Variants in DAB2 observed in about 807,000 individuals in gnomAD.
DAB2 encodes the protein disabled homolog 2.
A neutral mutation model predicts 71.6 loss-of-function variants in DAB2; 28 were observed. That is an observed-to-expected ratio of 0.39 (90% CI 0.29 to 0.54). The LOEUF is 0.54. Ranked by LOEUF, DAB2 falls within the 20% of genes least tolerant of loss-of-function variation. DAB2 has a pLI of 0.68. For missense variants in DAB2, 867 were observed against 928.8 expected, an observed-to-expected ratio of 0.93 and a Z score of 0.86; for synonymous variants, 345 against 339.7, an observed-to-expected ratio of 1.02 and a Z score of -0.17.
At chr5:39,407,516 A>T (rs1213865334) in intron 1 of DAB2, among the ~76,000 whole-genome samples, 1 of 152,206 alleles carries the variant, frequency 6.6e-6, no homozygotes, top group African/African-American at 2.4e-5. Flanking sequence ...TGCTAGTTTT[A>T]AAATGAATGA....
At chr5:39,388,494 G>T (rs1755148969) in intron 8 of DAB2, 127 bp from the exon 9 acceptor site, 1 of 720,722 alleles carries the variant, frequency 1.4e-6, no homozygotes. Context: ...TTAACTAATA[G>T]ATTTCATATT....
At chr5:39,386,916 G>A (rs1755109550) in intron 9 of DAB2, among the ~76,000 whole-genome samples, 1 of 152,148 alleles carries the variant, frequency 6.6e-6, no homozygotes, top group Admixed American at 6.5e-5. Context: ...GGACCTGTCA[G>A]GATAATCTAG....
intron 9 of DAB2, chr5:39,387,777 T>A (rs1342071179): frequency 2.0e-5 from 3 of 152,048 alleles, no homozygotes; most frequent in African/African-American, 7.2e-5. Flanking sequence ...TTGTTACAGA[T>A]CATTCAATAT....
intron 9 of DAB2, among the ~76,000 whole-genome samples, chr5:39,386,029 T>G (rs1755092198): frequency 6.6e-6 from 1 of 152,250 alleles, no homozygotes; most frequent in Admixed American, 6.5e-5. Context: ...TCCTGCTTTG[T>G]ATCCTGATCC....
At position 39,376,886 on chromosome 5, in the gene DAB2, C is replaced by A; in HGVS notation, c.1901G>T (p.Ser634Ile). ...PRAGPPKDIS[S>I]DAFTALDPLG... ...TGGGTCTAAGGCAGTGAAGGCATCACTGGAGATGTCCTTGGGAGGGCCAGC... is the reference window on the plus strand; with the variant it reads ...TGGGTCTAAGGCAGTGAAGGCATCAATGGAGATGTCCTTGGGAGGGCCAGC... The change falls in exon 12 of 15, where the codon AGT becomes ATT. Residue 634 changes from serine (S) to isoleucine (I), a missense_variant. Transcript: ENST00000320816. 1.9e-6 allele frequency: 3 copies of A among 1,614,020 alleles called. No individual in the cohort carries two copies. The highest frequency in any genetic ancestry group is 2.5e-6 in the Non-Finnish European group (3 of 1,179,988).
intron 1 of DAB2, among the ~76,000 whole-genome samples, chr5:39,400,332 A>G (rs1755469844): frequency 6.6e-6 from 1 of 151,740 alleles, no homozygotes. Flanking sequence ...TCCCAGGTTC[A>G]AGCCATTCTC....
rs777005444 is a variant in DAB2 at position 39,392,456 on chromosome 5, G to A, written c.239C>T (p.Ala80Val). 2.5e-6 allele frequency: 4 copies of A among 1,612,304 alleles called. No homozygotes were observed. The highest frequency in any genetic ancestry group is 4.5e-5 in the East Asian group (2 of 44,864). The change falls in exon 4 of 15, where the codon GCG becomes GTG. Residue 80 changes from alanine (A) to valine (V), a missense_variant. Coordinates refer to ENST00000320816, the MANE Select transcript of DAB2 (RefSeq NM_001343.4). ...QDSMMKLKGMAAAGRSQGQHK... is the reference protein window; with the variant it reads ...QDSMMKLKGMVAAGRSQGQHK... ...TTGTCCCTGAGACCGACCAGCTGCC[G>A]CCATTCCCTGATGAGGGTGGAAAAA...
intron 1 of DAB2, among the ~76,000 whole-genome samples, chr5:39,409,223 A>C (rs963746480): frequency 6.6e-6 from 1 of 152,164 alleles, no homozygotes; most frequent in Non-Finnish European, 1.5e-5. Context: ...GCTAAAGTTC[A>C]CATCTGTCAT....
At chr5:39,386,222 C>A (rs994675630) in intron 9 of DAB2, among the ~76,000 whole-genome samples, 1 of 152,154 alleles carries the variant, frequency 6.6e-6, no homozygotes, top group African/African-American at 2.4e-5. Context: ...AATAAAAATT[C>A]TGTTCTAGGG....
intron 9 of DAB2, among the ~76,000 whole-genome samples, chr5:39,386,895 A>G (rs1465452959): frequency 6.6e-6 from 1 of 152,216 alleles, no homozygotes; most frequent in East Asian, 1.9e-4. Flanking sequence ...AAAGGACCTC[A>G]GAGTTAGGAT....
At chr5:39,381,638 G>A in intron 10 of DAB2, 22 bp from the exon 11 acceptor site, 7 of 1,612,944 alleles carry the variant, frequency 4.3e-6, no homozygotes, top group African/African-American at 1.3e-5. Flanking sequence ...GGGAGGGAGG[G>A]AGAAGCCTTA....
At position 39,378,873 on chromosome 5, in the gene DAB2, A is replaced by C. The variant is rs1378964157; in HGVS notation, c.1505-1591T>G. 3.3e-5 allele frequency among the ~76,000 whole-genome samples: 5 copies of C among 152,230 alleles called. No individual in the cohort carries two copies. The South Asian group carries it at 1.0e-3, about 31-fold the overall frequency. ...AAATACTTATTTCACGGATACAGAA[A>C]TTAGACTTCATTTTCACTGAAGAAT... is the stretch of plus-strand genomic sequence containing the variant. On this transcript the variant is annotated intron_variant, in intron 11 of 14. Coordinates refer to ENST00000320816, the MANE Select transcript of DAB2 (RefSeq NM_001343.4).
At chr5:39,410,181 T>G (rs1475626515) in intron 1 of DAB2, among the ~76,000 whole-genome samples, 2 of 152,288 alleles carry the variant, frequency 1.3e-5, no homozygotes, top group South Asian at 4.1e-4. Context: ...CTAGAAAAGC[T>G]ACCTGGTTAT....
chr5:39,386,984 G>A (rs1418047281), intron 9 of DAB2, among the ~76,000 whole-genome samples: 1 of 152,064 alleles, frequency 6.6e-6, no homozygotes, highest in Non-Finnish European at 1.5e-5. Flanking sequence ...AAGAATGAAA[G>A]GTTCTATAGG....
chr5:39,372,540 T>C lies in DAB2; in HGVS notation c.*891A>G, dbSNP rs1397080978. On this transcript the variant is annotated 3_prime_UTR_variant, in exon 15 of 15. Transcript: ENST00000320816. The stretch of plus-strand genomic sequence containing the variant: ...GGCCTCCTCTTCCACAGGAAGGATA[T>C]AGGTTGTGCCCATTTGCAATTCTAG... The C allele has an allele frequency of 6.6e-6, 1 of 152,162 alleles. No homozygotes were observed. The highest frequency in any genetic ancestry group is 1.5e-5 in the Non-Finnish European group (1 of 68,044). 9.4% of individuals were successfully genotyped at this position (152,162 alleles called of 1,614,324 possible). A position where few individuals can be genotyped will look rare whatever the true frequency, so the allele number is the denominator to read the frequency against.
intron 9 of DAB2, among the ~76,000 whole-genome samples, chr5:39,385,641 C>A (rs192175644): frequency 6.6e-6 from 1 of 152,144 alleles, no homozygotes; most frequent in Non-Finnish European, 1.5e-5. Flanking sequence ...CACGGCAGTG[C>A]GTTACAGAAC....
intron 1 of DAB2, among the ~76,000 whole-genome samples, chr5:39,413,209 G>A (rs971672663): frequency 7.9e-5 from 12 of 151,988 alleles, no homozygotes; most frequent in East Asian, 5.8e-4. Flanking sequence ...CAACATTGCC[G>A]GTTTCTTTCA....
At chr5:39,423,051 C>T (rs1756025682) in intron 1 of DAB2, among the ~76,000 whole-genome samples, 1 of 152,164 alleles carries the variant, frequency 6.6e-6, no homozygotes, top group Non-Finnish European at 1.5e-5. Flanking sequence ...AGTTGGAAGA[C>T]ATTCCTCTAC....
intron 1 of DAB2, among the ~76,000 whole-genome samples, chr5:39,413,728 C>T (rs1024673942): frequency 6.6e-6 from 1 of 152,150 alleles, no homozygotes; most frequent in African/African-American, 2.4e-5. Flanking sequence ...GCTTCTTATA[C>T]ATTTAGAATA....
Sources: allele counts gnomAD v4.1 joint callset (sites outside exome capture counted in the v4.1 genomes callset), GRCh38; gene constraint gnomAD v4.1.1; transcripts MANE v1.5; gene names NCBI Gene and HGNC (gene_info 2026-07-23, HGNC 2026-07-21).